Variants in KCNIP4 observed in about 807,000 individuals in gnomAD.
The protein encoded by KCNIP4 is potassium voltage-gated channel interacting protein 4, also known as Kv channel-interacting protein 4.
KCNIP4 carries 12 observed loss-of-function variants against 34.0 expected under a neutral mutation model. The ratio of observed to expected loss-of-function variants is 0.35; its 90% CI spans 0.23 to 0.57. The LOEUF is 0.57. KCNIP4 is among the 20% of genes least tolerant of loss of function. The probability of loss-of-function intolerance (pLI) is 0.83; values close to 1 mark genes in which losing one functional copy is unlikely to be tolerated. For synonymous variants in KCNIP4, 124 were observed against 102.2 expected (o/e 1.21, Z -1.29); for missense variants, 238 against 311.7 (o/e 0.76, Z 1.78).
chr4:21,204,850 G>T (rs889586223), intron 1 of KCNIP4, among the ~76,000 whole-genome samples: 1 of 152,242 alleles, frequency 6.6e-6, no homozygotes, highest in Non-Finnish European at 1.5e-5. Flanking sequence ...AAATGTTCCC[G>T]ATATAGTTGG....
At chr4:21,893,925 TAGC>T (rs1409804693) in intron 1 of KCNIP4, among the ~76,000 whole-genome samples, 6 of 152,176 alleles carry the variant, frequency 3.9e-5, no homozygotes, top group Non-Finnish European at 7.3e-5. Context: ...GGATCCTAAT[TAGC>T]ATTATGCATA....
intron 1 of KCNIP4, among the ~76,000 whole-genome samples, chr4:20,933,820 C>A (rs1051795453): frequency 1.3e-5 from 2 of 151,996 alleles, no homozygotes; most frequent in African/African-American, 4.8e-5. Flanking sequence ...GGTGGCTACC[C>A]GTTCTGGTTT....
chr4:20,975,963 C>T lies in KCNIP4; in HGVS notation c.62-93254G>A, dbSNP rs192136590. ...CACCTATCTGTTTGCATATTATCTA[C>T]GGCTGCTTTTGTGCTACAACAGAGT... On this transcript the variant is annotated intron_variant, in intron 1 of 8. Coordinates refer to ENST00000382152, the MANE Select transcript of KCNIP4 (RefSeq NM_025221.6). Among the ~76,000 whole-genome samples the T allele has an allele frequency of 3.3e-3, 503 of 152,290 alleles. 3 individuals are homozygous for T. The highest frequency in any genetic ancestry group is 0.011 in the African/African-American group (470 of 41,568).
chr4:21,793,480 ACTCCTGAC>A (rs903904793), intron 1 of KCNIP4, among the ~76,000 whole-genome samples: 2 of 151,962 alleles, frequency 1.3e-5, no homozygotes, highest in African/African-American at 4.8e-5. Flanking sequence ...CTGGTCTTGA[ACTCCTGAC>A]CTCAAGTGAT....
At chr4:21,350,767 T>A (rs1345736628) in intron 1 of KCNIP4, among the ~76,000 whole-genome samples, 1 of 152,182 alleles carries the variant, frequency 6.6e-6, no homozygotes, top group Non-Finnish European at 1.5e-5. Flanking sequence ...TAAATGTGTG[T>A]AACATGGGCG....
At chr4:21,666,028 T>A (rs979158963) in intron 1 of KCNIP4, among the ~76,000 whole-genome samples, 4 of 152,338 alleles carry the variant, frequency 2.6e-5, no homozygotes, top group Admixed American at 6.5e-5. Flanking sequence ...AGCCAATTTA[T>A]TTTCCTTGGC....
chr4:21,609,848 T>C (rs1389665614), intron 1 of KCNIP4, among the ~76,000 whole-genome samples: 1 of 152,246 alleles, frequency 6.6e-6, no homozygotes, highest in Non-Finnish European at 1.5e-5. Flanking sequence ...TCACATTTAA[T>C]ACTCACAAAT....
At chr4:21,746,136 T>C (rs1716761618) in intron 1 of KCNIP4, among the ~76,000 whole-genome samples, 2 of 152,234 alleles carry the variant, frequency 1.3e-5, no homozygotes, top group Admixed American at 6.6e-5. Context: ...CCTCCTCTTA[T>C]AGGACACCAG....
intron 1 of KCNIP4, among the ~76,000 whole-genome samples, chr4:21,480,382 A>C (rs1246143969): frequency 6.6e-6 from 1 of 152,160 alleles, no homozygotes; most frequent in African/African-American, 2.4e-5. Flanking sequence ...ATCTTTTGTC[A>C]ATAGACAAAC....
At chr4:21,369,542 A>G (rs1450943686) in intron 1 of KCNIP4, among the ~76,000 whole-genome samples, 1 of 146,970 alleles carries the variant, frequency 6.8e-6, no homozygotes, top group African/African-American at 2.7e-5. Context: ...GACTGCAGTG[A>G]GCCATGATTG....
At chr4:21,500,618 G>A (rs533456287) in intron 1 of KCNIP4, among the ~76,000 whole-genome samples, 2 of 152,150 alleles carry the variant, frequency 1.3e-5, no homozygotes, top group South Asian at 2.1e-4. Context: ...TTGTTTAAAT[G>A]TATGCAAAAT....
intron 1 of KCNIP4, among the ~76,000 whole-genome samples, chr4:21,288,276 T>C (rs1424003691): frequency 6.6e-6 from 1 of 152,182 alleles, no homozygotes; most frequent in Non-Finnish European, 1.5e-5. Flanking sequence ...CACAACCTTA[T>C]AACTTGCCTA....
At chr4:21,269,175 A>G (rs1050539026) in intron 1 of KCNIP4, among the ~76,000 whole-genome samples, 2 of 152,184 alleles carry the variant, frequency 1.3e-5, no homozygotes, top group African/African-American at 4.8e-5. Flanking sequence ...GTGAGAAAAC[A>G]TCTTGAGAGG....
At chr4:21,788,216 T>C (rs1348093985) in intron 1 of KCNIP4, among the ~76,000 whole-genome samples, 3 of 151,948 alleles carry the variant, frequency 2.0e-5, no homozygotes, top group Non-Finnish European at 4.4e-5. Context: ...TCAAGAGCAA[T>C]GCTATTAGAG....
chr4:21,622,699 T>C (rs1297712211), intron 1 of KCNIP4, among the ~76,000 whole-genome samples: 1 of 152,144 alleles, frequency 6.6e-6, no homozygotes, highest in Non-Finnish European at 1.5e-5. Flanking sequence ...TTATAATTTT[T>C]AAATAATCAG....
At chr4:21,716,581 T>C (rs1714401060) in intron 1 of KCNIP4, among the ~76,000 whole-genome samples, 1 of 152,146 alleles carries the variant, frequency 6.6e-6, no homozygotes, top group Non-Finnish European at 1.5e-5. Context: ...AAACGGCTAG[T>C]TCCTTAAAAC....
At chr4:21,214,285 C>T (rs1757415863) in intron 1 of KCNIP4, among the ~76,000 whole-genome samples, 2 of 152,176 alleles carry the variant, frequency 1.3e-5, no homozygotes. Context: ...ACTCAGATGA[C>T]ATCTCCTTCA....
intron 1 of KCNIP4, among the ~76,000 whole-genome samples, chr4:21,927,932 C>T (rs890586326): frequency 1.1e-4 from 16 of 152,018 alleles, no homozygotes; most frequent in South Asian, 4.1e-4. Flanking sequence ...TATACGTGTA[C>T]ACTCTAAAAC....
At chr4:21,190,995 A>AGAGAATTGTGG (rs1755604467) in intron 1 of KCNIP4, among the ~76,000 whole-genome samples, 1 of 152,232 alleles carries the variant, frequency 6.6e-6, no homozygotes. Flanking sequence ...TTGGTAGATG[A>AGAGAATTGTGG]GAGAATTGTG....
Sources: allele counts gnomAD v4.1 joint callset (sites outside exome capture counted in the v4.1 genomes callset), GRCh38; gene constraint gnomAD v4.1.1; transcripts MANE v1.5; gene names NCBI Gene and HGNC (gene_info 2026-07-23, HGNC 2026-07-21).